The following ADAMTSL1 variants were observed in gnomAD, a reference collection of about 807,000 sequenced individuals.
The protein encoded by ADAMTSL1 is ADAMTS-like protein 1.
ADAMTSL1 carries 126 observed loss-of-function variants against 201.8 expected under a neutral mutation model. That is an observed-to-expected ratio of 0.62 (90% CI 0.54 to 0.72). The LOEUF is 0.72. Among genes scored for constraint, ADAMTSL1 ranks in the 30% least tolerant of loss-of-function variants. The pLI is 0.00. For missense variants in ADAMTSL1, 2,679 were observed against 2,277.8 expected (o/e 1.18, Z -3.59); for synonymous variants, 1,121 against 903.4 (o/e 1.24, Z -4.32).
At chr9:17,938,026 AT>A (rs897523427) in intron 1 of ADAMTSL1, among the ~76,000 whole-genome samples, 16 of 152,184 alleles carry the variant, frequency 1.1e-4, no homozygotes, top group East Asian at 3.9e-4. Flanking sequence ...AAACAGATGG[AT>A]TTTTTTCCCC....
intron 13 of ADAMTSL1, among the ~76,000 whole-genome samples, chr9:18,703,142 C>CA (rs200804012): frequency 1.5e-4 from 23 of 151,084 alleles, no homozygotes; most frequent in East Asian, 3.9e-4. Flanking sequence ...GATTTAAAAA[C>CA]AAAAAAAAAT....
At chr9:18,478,527 A>G (rs560107395) in intron 1 of ADAMTSL1, among the ~76,000 whole-genome samples, 90 of 152,322 alleles carry the variant, frequency 5.9e-4, no homozygotes, top group Middle Eastern at 3.4e-3. Context: ...TCTTAAATTC[A>G]TATGTGTAGT....
At chr9:18,567,635 A>T (rs1420766322) in intron 3 of ADAMTSL1, among the ~76,000 whole-genome samples, 1 of 152,112 alleles carries the variant, frequency 6.6e-6, no homozygotes, top group African/African-American at 2.4e-5. Context: ...TGTATACAGT[A>T]GTCCCCCCCT....
At chr9:18,268,868 G>C (rs1832242830) in intron 2 of ADAMTSL1, among the ~76,000 whole-genome samples, 1 of 152,012 alleles carries the variant, frequency 6.6e-6, no homozygotes, top group Non-Finnish European at 1.5e-5. Flanking sequence ...TTTTTCTCCT[G>C]TTGTATATAA....
At chr9:18,318,346 T>G (rs962047007) in intron 2 of ADAMTSL1, among the ~76,000 whole-genome samples, 1 of 152,178 alleles carries the variant, frequency 6.6e-6, no homozygotes, top group Non-Finnish European at 1.5e-5. Context: ...AACTGTGGTC[T>G]GTGTCTGGTC....
chr9:18,230,380 T>C (rs1223584059), intron 2 of ADAMTSL1, among the ~76,000 whole-genome samples: 4 of 152,146 alleles, frequency 2.6e-5, no homozygotes, highest in Non-Finnish European at 5.9e-5. Context: ...AGTTAAAAGT[T>C]GGCTGGGAGA....
chr9:18,339,428 G>A (rs189036673), intron 2 of ADAMTSL1, among the ~76,000 whole-genome samples: 1 of 152,140 alleles, frequency 6.6e-6, no homozygotes, highest in East Asian at 1.9e-4. Context: ...TAATCAGAAT[G>A]GCTACTATTA....
Position 17,961,169 on chromosome 9 carries a change from G to A in ADAMTSL1, c.87+54247G>A, listed in dbSNP as rs540678263. 3.3e-5 allele frequency among the ~76,000 whole-genome samples: 5 copies of A among 152,148 alleles called. No homozygotes were observed. In the South Asian group the frequency reaches 1.0e-3, roughly 32 times the overall value. On this transcript the variant is annotated intron_variant, in intron 1 of 29. Transcript: ENST00000680146. ...GGGCTCTACCAAGTAATTACTATGT[G>A]GATTTGGACAAGTTTTTAATCTCTC...
intron 2 of ADAMTSL1, among the ~76,000 whole-genome samples, chr9:18,506,085 G>A (rs1817627618): frequency 6.6e-6 from 1 of 152,180 alleles, no homozygotes; most frequent in Admixed American, 6.5e-5. Context: ...TTTGGCCACT[G>A]TGGCATTGAG....
intron 5 of ADAMTSL1, among the ~76,000 whole-genome samples, chr9:18,625,176 C>T (rs1826281335): frequency 6.6e-6 from 1 of 152,182 alleles, no homozygotes; most frequent in African/African-American, 2.4e-5. Context: ...CTGTCTTCTG[C>T]CAAAAGGCAC....
At chr9:18,450,061 T>G (rs1385708046) in intron 2 of ADAMTSL1, among the ~76,000 whole-genome samples, 1 of 152,158 alleles carries the variant, frequency 6.6e-6, no homozygotes, top group Non-Finnish European at 1.5e-5. Context: ...TCCATGCAAA[T>G]ATATGTACAG....
chr9:18,703,626 A>T (rs1409900763), intron 13 of ADAMTSL1, among the ~76,000 whole-genome samples: 1 of 148,572 alleles, frequency 6.7e-6, no homozygotes, highest in Non-Finnish European at 1.5e-5. Flanking sequence ...GAGACATAAA[A>T]CAGATGTTTA....
chr9:18,594,936 G>A (rs1824166129), intron 4 of ADAMTSL1, among the ~76,000 whole-genome samples: 1 of 152,146 alleles, frequency 6.6e-6, no homozygotes, highest in African/African-American at 2.4e-5. Context: ...GGTTTTCTTT[G>A]TGCTTGTCCT....
chr9:18,300,476 G>A (rs964700233), intron 2 of ADAMTSL1, among the ~76,000 whole-genome samples: 1 of 151,980 alleles, frequency 6.6e-6, no homozygotes, highest in Non-Finnish European at 1.5e-5. Flanking sequence ...AGGGGGGCTG[G>A]GGGAGGGATA....
intron 14 of ADAMTSL1, among the ~76,000 whole-genome samples, chr9:18,707,626 A>G (rs1212447483): frequency 6.6e-6 from 1 of 152,266 alleles, no homozygotes; most frequent in Non-Finnish European, 1.5e-5. Flanking sequence ...TGATTTGTTC[A>G]AGATCATACA....
In ADAMTSL1 at chr9:18,232,557, G is replaced by A. The variant is rs1193159092; in HGVS notation, c.207+68576G>A. 4.6e-5 allele frequency among the ~76,000 whole-genome samples: 7 copies of A among 152,154 alleles called. No homozygotes were observed. The East Asian group carries it at 1.3e-3, about 29-fold the overall frequency. The stretch of plus-strand genomic sequence containing the variant: ...CACCGAAAGAAGTGACTATTGCATA[G>A]TTAAAACTTAATAAATATGTGTTGA... On this transcript the variant is annotated intron_variant, in intron 2 of 29. Transcript: ENST00000680146.
rs1365943142 is a variant in ADAMTSL1, at chr9:18,523,462, A to C, written c.192-9785A>C. ...TTAGTTTAATTAGATCCCATTTGTC[A>C]GTTCTGGCTTTTGTTGCCACTGCTT... is the stretch of plus-strand genomic sequence containing the variant. On this transcript the variant is annotated intron_variant, in intron 2 of 28. Transcript: ENST00000380548. 5.9e-5 allele frequency among the ~76,000 whole-genome samples: 9 copies of C among 152,110 alleles called. No homozygotes were observed. In the East Asian group the frequency reaches 7.7e-4, roughly 13 times the overall value.
chr9:18,777,610 T>A lies in ADAMTSL1; in HGVS notation c.3381T>A (p.Thr1127=). 1 of 1,613,576 alleles carries A rather than the reference T, an allele frequency of 6.2e-7. No individual in the cohort carries two copies. Among genetic ancestry groups the A allele is most frequent in the South Asian group, 1.1e-5 (1 of 90,996 alleles). The stretch of plus-strand genomic sequence containing the variant: ...TCCTGAAGCCCTCGGAGCGCAGGAC[T>A]TCCCCAGTGACTCTCTCGCCTCATA... ...DTLLKPSERR[T]SPVTLSPHKH... The change falls in exon 19 of 29, where the codon ACT becomes ACA. Residue 1127 remains threonine, a synonymous_variant. Transcript: ENST00000380548.
chr9:18,124,505 T>A (rs1289179558), intron 1 of ADAMTSL1, among the ~76,000 whole-genome samples: 2 of 152,218 alleles, frequency 1.3e-5, no homozygotes, highest in Non-Finnish European at 2.9e-5. Flanking sequence ...ACATATGATT[T>A]GCAAATATTT....
Sources: gnomAD v4.1 joint callset for allele counts (sites outside exome capture counted in the v4.1 genomes callset) on GRCh38, gnomAD v4.1.1 for gene constraint, MANE v1.5 for transcripts, NCBI Gene and HGNC (gene_info 2026-07-23, HGNC 2026-07-21) for gene names.